The following NLK variants were observed in gnomAD, a reference collection of about 807,000 sequenced individuals.
NLK encodes the protein serine/threonine-protein kinase NLK.
A neutral mutation model predicts 59.0 loss-of-function variants in NLK; 11 were observed. The ratio of observed to expected loss-of-function variants is 0.19; its 90% CI spans 0.12 to 0.31. The LOEUF is 0.31. Among genes scored for constraint, NLK ranks in the 10% least tolerant of loss-of-function variants. The pLI, the probability that NLK is intolerant of heterozygous loss-of-function variation, is 1.00. For synonymous variants in NLK, 235 were observed against 235.9 expected, an observed-to-expected ratio of 1.00 and a Z score of 0.03; for missense variants, 410 against 661.1, an observed-to-expected ratio of 0.62 and a Z score of 4.16.
chr17:28,176,907 G>A (rs1293737798), intron 7 of NLK, among the ~76,000 whole-genome samples: 1 of 151,962 alleles, frequency 6.6e-6, no homozygotes, highest in Non-Finnish European at 1.5e-5. Context: ...CAGGGGCTGG[G>A]GTGCCAACTC....
chr17:28,097,701 G>A (rs1485328640), intron 1 of NLK, among the ~76,000 whole-genome samples: 1 of 152,068 alleles, frequency 6.6e-6, no homozygotes, highest in Admixed American at 6.5e-5. Flanking sequence ...CTTACCTACT[G>A]TTGATATGAT....
At chr17:28,199,684 A>C (rs1441986953), downstream of NLK, among the ~76,000 whole-genome samples, 1 of 15,556 alleles carries the variant, frequency 6.4e-5, no homozygotes, top group East Asian at 1.2e-3. Flanking sequence ...AAAAAAAAAA[A>C]CAAAACAAAA....
intron 3 of NLK, among the ~76,000 whole-genome samples, chr17:28,144,051 TG>T (rs1178045811): frequency 6.6e-6 from 1 of 152,122 alleles, no homozygotes; most frequent in East Asian, 1.9e-4. Context: ...GTGTGAAAAA[TG>T]TAAGTCATAG....
intron 8 of NLK, among the ~76,000 whole-genome samples, chr17:28,190,026 G>C (rs1256722482): frequency 6.6e-6 from 1 of 152,108 alleles, no homozygotes; most frequent in Non-Finnish European, 1.5e-5. Context: ...ATTATTATTT[G>C]GGAACGAGAA....
intron 2 of NLK, 60 bp from the exon 3 acceptor site, chr17:28,132,560 A>G (rs1906562788): frequency 7.8e-7 from 1 of 1,285,326 alleles, no homozygotes; most frequent in Non-Finnish European, 1.1e-6. Context: ...ACTTGCATTT[A>G]TGTCGAATTT....
At chr17:28,166,997 G>C (rs1028579642) in intron 5 of NLK, among the ~76,000 whole-genome samples, 3 of 152,148 alleles carry the variant, frequency 2.0e-5, no homozygotes, top group Non-Finnish European at 2.9e-5. Context: ...GTATGAATTT[G>C]TATTTTAAAT....
intron 10 of NLK, 94 bp downstream of exon 10, chr17:28,192,307 CAT>C (rs1358215127): frequency 2.7e-5 from 19 of 706,476 alleles, no homozygotes; most frequent in Middle Eastern, 3.9e-4. Context: ...ATTTAGATAA[CAT>C]AGATAAAAGG....
At chr17:28,059,850 T>G (rs183610308) in intron 1 of NLK, among the ~76,000 whole-genome samples, 66 of 152,298 alleles carry the variant, frequency 4.3e-4, no homozygotes, top group Admixed American at 2.5e-3. Flanking sequence ...GAGAAAGATA[T>G]GCACTAGCAC....
intron 1 of NLK, among the ~76,000 whole-genome samples, chr17:28,081,760 A>G (rs1910354111): frequency 6.6e-6 from 1 of 152,206 alleles, no homozygotes; most frequent in African/African-American, 2.4e-5. Context: ...ATCTCCAAGC[A>G]AATTCCCTGT....
intron 2 of NLK, among the ~76,000 whole-genome samples, chr17:28,131,358 C>T (rs985488851): frequency 1.3e-5 from 2 of 151,506 alleles, no homozygotes; most frequent in African/African-American, 2.4e-5. Flanking sequence ...TATTTTTAAA[C>T]ACTTACATTT....
chr17:28,129,630 A>G (rs1434371405), intron 2 of NLK, among the ~76,000 whole-genome samples: 2 of 152,180 alleles, frequency 1.3e-5, no homozygotes, highest in Admixed American at 6.5e-5. Context: ...CTTAGAATCT[A>G]TTATGGGGAG....
intron 1 of NLK, among the ~76,000 whole-genome samples, chr17:28,069,767 C>T (rs1039172060): frequency 6.6e-6 from 1 of 151,602 alleles, no homozygotes; most frequent in Non-Finnish European, 1.5e-5. Context: ...AGTCTTATTT[C>T]TTTTTCTGAA....
chr17:28,190,728 G>T (rs959545810), intron 8 of NLK, among the ~76,000 whole-genome samples: 8 of 152,188 alleles, frequency 5.3e-5, no homozygotes, highest in South Asian at 2.1e-4. Context: ...CATGATATTT[G>T]TGATTTTTGA....
chr17:28,065,905 C>T (rs1285814895), intron 1 of NLK, among the ~76,000 whole-genome samples: 2 of 152,158 alleles, frequency 1.3e-5, no homozygotes, highest in African/African-American at 4.8e-5. Flanking sequence ...CTAACCACTA[C>T]CACTTTCCTC....
In NLK at chr17:28,147,872, A is replaced by G. The variant is rs111719698; in HGVS notation, c.645-13288A>G. ...CAATTCAGCTGCTGACACTGGTTGC[A>G]TTATTCTAAAGAATGTCATGTTGTT... On this transcript the variant is annotated intron_variant, in intron 3 of 10. Coordinates refer to ENST00000407008, the MANE Select transcript of NLK (RefSeq NM_016231.5). Among the ~76,000 whole-genome samples, 1,001 of 152,320 alleles carry G rather than the reference A, an allele frequency of 6.6e-3. 17 individuals are homozygous for G. Among genetic ancestry groups the G allele is most frequent in the African/African-American group, 0.022 (932 of 41,572 alleles).
At chr17:28,154,259 G>A (rs1378360924) in intron 3 of NLK, among the ~76,000 whole-genome samples, 3 of 152,144 alleles carry the variant, frequency 2.0e-5, no homozygotes, top group Non-Finnish European at 4.4e-5. Context: ...CTAAACATCG[G>A]ATTGGTTGCA....
At chr17:28,117,173 G>A (rs1567718491) in intron 1 of NLK, among the ~76,000 whole-genome samples, 1 of 152,202 alleles carries the variant, frequency 6.6e-6, no homozygotes, top group Non-Finnish European at 1.5e-5. Context: ...AACAGTGACT[G>A]AGGAGGAAGT....
chr17:28,178,675 T>G (rs1220760733), intron 7 of NLK, among the ~76,000 whole-genome samples: 1 of 152,232 alleles, frequency 6.6e-6, no homozygotes, highest in Non-Finnish European at 1.5e-5. Flanking sequence ...TAGTCCTGTC[T>G]CCTGACAGGA....
intron 1 of NLK, among the ~76,000 whole-genome samples, chr17:28,098,547 A>G (rs1051967976): frequency 8.5e-5 from 13 of 152,110 alleles, no homozygotes; most frequent in African/African-American, 3.1e-4. Flanking sequence ...ATAAGGGTGC[A>G]TGTATATTAT....
Sources: allele counts gnomAD v4.1 joint callset (sites outside exome capture counted in the v4.1 genomes callset), GRCh38; gene constraint gnomAD v4.1.1; transcripts MANE v1.5; gene names NCBI Gene and HGNC (gene_info 2026-07-23, HGNC 2026-07-21).